The following SLC35D4 variants were observed in gnomAD, a reference collection of about 807,000 sequenced individuals.
SLC35D4 encodes UDP-N-acetylglucosamine transporter SLC35D4.
the SLC35D4 span, among the ~76,000 whole-genome samples, chr18:23,247,343 G>A: frequency 6.6e-6 from 1 of 152,254 alleles, no homozygotes; most frequent in Admixed American, 6.5e-5. Flanking sequence ...TGCCTGGAAA[G>A]GGTGGCCCTG....
At chr18:23,252,788 G>A in the SLC35D4 span, among the ~76,000 whole-genome samples, 4 of 152,174 alleles carry the variant, frequency 2.6e-5, no homozygotes, top group East Asian at 7.7e-4. Flanking sequence ...GCCTCCAGAA[G>A]GCCACAGTCC....
chr18:23,371,386 T>A, the SLC35D4 span: 1 of 1,509,926 alleles, frequency 6.6e-7, no homozygotes, highest in Admixed American at 2.2e-5. Context: ...TGAGCCACCG[T>A]GCCCAGCCTT....
the SLC35D4 span, chr18:23,310,100 CA>C: frequency 1.5e-5 from 8 of 521,418 alleles, no homozygotes; most frequent in East Asian, 8.9e-4. Context: ...CATTTTGTCT[CA>C]GCAGTGCAGA....
the SLC35D4 span, among the ~76,000 whole-genome samples, chr18:23,281,489 AT>A: frequency 6.6e-6 from 1 of 151,752 alleles, no homozygotes; most frequent in Non-Finnish European, 1.5e-5. Context: ...CGCCCAACTA[AT>A]TTTTTTATTT....
the SLC35D4 span, among the ~76,000 whole-genome samples, chr18:23,381,333 T>G: frequency 1.3e-5 from 2 of 152,142 alleles, no homozygotes; most frequent in Non-Finnish European, 2.9e-5. Flanking sequence ...CTCAGGGAAG[T>G]AGAAACAGTT....
At chr18:23,328,980 T>C in the SLC35D4 span, among the ~76,000 whole-genome samples, 1 of 152,182 alleles carries the variant, frequency 6.6e-6, no homozygotes, top group African/African-American at 2.4e-5. Context: ...TAATAAATGG[T>C]GCTGGGAAAA....
chr18:23,270,612 C>T, the SLC35D4 span, among the ~76,000 whole-genome samples: 35 of 152,244 alleles, frequency 2.3e-4, no homozygotes, highest in African/African-American at 7.2e-4. Flanking sequence ...GGGAACTATA[C>T]CCTGCAAAGC....
At chr18:23,434,793 AAAAC>A in the SLC35D4 span, among the ~76,000 whole-genome samples, 3 of 147,494 alleles carry the variant, frequency 2.0e-5, no homozygotes, top group East Asian at 6.3e-4. Flanking sequence ...CCTGTCTCAA[AAAAC>A]AAACAAACAA....
chr18:23,326,962 GA>G, the SLC35D4 span, among the ~76,000 whole-genome samples: 1 of 152,160 alleles, frequency 6.6e-6, no homozygotes, highest in Non-Finnish European at 1.5e-5. Flanking sequence ...GGTAAATAAT[GA>G]AATGAAGGCA....
chr18:23,296,870 A>G, the SLC35D4 span: 1 of 152,026 alleles, frequency 6.6e-6, no homozygotes, highest in Non-Finnish European at 1.5e-5. Context: ...AAAAAAGGAC[A>G]TGCAGAATTC....
At chr18:23,278,442 C>T in the SLC35D4 span, among the ~76,000 whole-genome samples, 1 of 152,194 alleles carries the variant, frequency 6.6e-6, no homozygotes, top group Non-Finnish European at 1.5e-5. Flanking sequence ...TGTAGTGTCA[C>T]ACCAGGAGCA....
chr18:23,400,705 G>A, the SLC35D4 span, among the ~76,000 whole-genome samples: 1 of 152,128 alleles, frequency 6.6e-6, no homozygotes, highest in Non-Finnish European at 1.5e-5. Context: ...AAAAATAAAT[G>A]AAACCATTCC....
the SLC35D4 span, among the ~76,000 whole-genome samples, chr18:23,290,275 C>G: frequency 6.6e-6 from 1 of 152,228 alleles, no homozygotes; most frequent in Non-Finnish European, 1.5e-5. Flanking sequence ...TTAGAGCATC[C>G]CAGAGCCAGC....
At chr18:23,268,403 T>C in the SLC35D4 span, among the ~76,000 whole-genome samples, 1 of 152,140 alleles carries the variant, frequency 6.6e-6, no homozygotes, top group Admixed American at 6.5e-5. Flanking sequence ...AGTGCGGTCT[T>C]AGTAGGGCTA....
chr18:23,280,866 C>T, the SLC35D4 span, among the ~76,000 whole-genome samples: 1 of 152,210 alleles, frequency 6.6e-6, no homozygotes, highest in South Asian at 2.1e-4. Flanking sequence ...TCTTCTGGAG[C>T]TCCCTCACCT....
At chr18:23,305,043 T>C in the SLC35D4 span, among the ~76,000 whole-genome samples, 1 of 152,250 alleles carries the variant, frequency 6.6e-6, no homozygotes, top group East Asian at 1.9e-4. Flanking sequence ...TCTTAATGGT[T>C]TCCACATACT....
chr18:23,257,383 C>G, the SLC35D4 span: 4 of 1,572,966 alleles, frequency 2.5e-6, no homozygotes, highest in Non-Finnish European at 3.4e-6. Flanking sequence ...GCCCCGAGGA[C>G]AGCCAAGGGC....
chr18:23,257,319 C>G, the SLC35D4 span: 3 of 1,613,814 alleles, frequency 1.9e-6, no homozygotes, highest in Non-Finnish European at 2.5e-6. Flanking sequence ...TCCACTTGCC[C>G]GAGCACGAAG....
chr18:23,327,678 T>A, the SLC35D4 span, among the ~76,000 whole-genome samples: 2 of 151,004 alleles, frequency 1.3e-5, no homozygotes, highest in African/African-American at 2.4e-5. Context: ...GAAAAAAAAA[T>A]AGGGAATCCT....
Sources: allele counts gnomAD v4.1 joint callset (sites outside exome capture counted in the v4.1 genomes callset), GRCh38; gene constraint gnomAD v4.1.1; transcripts MANE v1.5; gene names NCBI Gene and HGNC (gene_info 2026-07-23, HGNC 2026-07-21).